Variants in PDE4D observed in about 807,000 individuals in gnomAD.
PDE4D encodes phosphodiesterase 4D, also known as 3',5'-cyclic-AMP phosphodiesterase 4D.
A neutral mutation model predicts 87.4 loss-of-function variants in PDE4D; 24 were observed. That is an observed-to-expected ratio of 0.27 (90% CI 0.20 to 0.39). PDE4D has a LOEUF of 0.39. PDE4D is among the 10% of genes least tolerant of loss of function. The pLI is 1.00. For missense variants in PDE4D, 714 were observed against 1,041.0 expected, an observed-to-expected ratio of 0.69 and a Z score of 4.32; for synonymous variants, 384 against 383.2, an observed-to-expected ratio of 1.00 and a Z score of -0.02.
rs1014834888 is a variant in PDE4D at position 58,975,446 on chromosome 5, G to A, written c.2013+211C>T. ...TTAAATGAATATAGTCATAATAAAT[G>A]AATATGTCTTTAGAATATATATATG... On this transcript the variant is annotated intron_variant, in intron 14 of 14. Transcript: ENST00000340635. The surrounding 1 kb of genome is among the most constrained non-coding windows in gnomAD (Gnocchi z 4.2). Among the ~76,000 whole-genome samples, 5 of 152,080 alleles carry A rather than the reference G, an allele frequency of 3.3e-5. No homozygotes were observed. The highest frequency in any genetic ancestry group is 1.3e-4 in the Admixed American group (2 of 15,260).
chr5:60,385,249 G>T (rs1330503556), intron 1 of PDE4D, among the ~76,000 whole-genome samples: 2 of 152,194 alleles, frequency 1.3e-5, no homozygotes, highest in Non-Finnish European at 2.9e-5. Flanking sequence ...GGCAAGTATG[G>T]GAAGGAACAA....
chr5:59,704,734 C>T (rs1753134171), intron 1 of PDE4D, among the ~76,000 whole-genome samples: 2 of 152,234 alleles, frequency 1.3e-5, no homozygotes, highest in Non-Finnish European at 2.9e-5. Context: ...GTGTGGTGTC[C>T]ATGAACAAGG....
intron 2 of PDE4D, among the ~76,000 whole-genome samples, chr5:60,104,606 C>T (rs1437342524): frequency 1.3e-5 from 2 of 152,344 alleles, no homozygotes; most frequent in South Asian, 4.1e-4. Context: ...AACTGGGAGG[C>T]ACCCACCAGT....
chr5:59,839,881 C>T (rs969517437), intron 1 of PDE4D, among the ~76,000 whole-genome samples: 4 of 152,024 alleles, frequency 2.6e-5, no homozygotes, highest in African/African-American at 9.7e-5. Flanking sequence ...TGGACTGCTC[C>T]AGTCAGGCTA....
chr5:59,323,722 C>A (rs1581955977), intron 1 of PDE4D, among the ~76,000 whole-genome samples: 1 of 152,142 alleles, frequency 6.6e-6, no homozygotes. Flanking sequence ...TTGATTCTCA[C>A]ATGTTCTACC....
intron 1 of PDE4D, among the ~76,000 whole-genome samples, chr5:60,277,912 T>C (rs971225397): frequency 2.6e-5 from 4 of 152,124 alleles, no homozygotes; most frequent in Admixed American, 1.3e-4. Context: ...TACATACACT[T>C]AGAACCACAC....
chr5:60,480,816 T>G (rs1236979146), intron 1 of PDE4D, among the ~76,000 whole-genome samples: 1 of 152,142 alleles, frequency 6.6e-6, no homozygotes, highest in African/African-American at 2.4e-5. Flanking sequence ...GTGTTTTCAG[T>G]GCCTCAGGGT....
At chr5:60,287,148 CT>C (rs1331017953) in intron 1 of PDE4D, among the ~76,000 whole-genome samples, 13 of 152,176 alleles carry the variant, frequency 8.5e-5, no homozygotes, top group African/African-American at 3.1e-4. Context: ...AGGCACTACT[CT>C]AGACAGCACA....
chr5:59,183,642 G>A (rs1261584829), intron 4 of PDE4D, among the ~76,000 whole-genome samples: 1 of 152,162 alleles, frequency 6.6e-6, no homozygotes, highest in African/African-American at 2.4e-5. Context: ...ACTTTCTAAG[G>A]GGGAGGTGAT....
At chr5:60,224,708 C>T (rs1303318015) in intron 1 of PDE4D, among the ~76,000 whole-genome samples, 5 of 152,104 alleles carry the variant, frequency 3.3e-5, no homozygotes, top group African/African-American at 1.2e-4. Context: ...TTCTTGTTAT[C>T]TAGCCTTGGA....
At chr5:59,013,836 C>T (rs1022454502) in intron 6 of PDE4D, among the ~76,000 whole-genome samples, 6 of 150,928 alleles carry the variant, frequency 4.0e-5, no homozygotes, top group Non-Finnish European at 8.9e-5. Context: ...GGCGGAGACA[C>T]AACAAAAAAA....
intron 2 of PDE4D, among the ~76,000 whole-genome samples, chr5:59,997,065 G>A (rs1295122137): frequency 6.6e-6 from 1 of 151,976 alleles, no homozygotes; most frequent in Non-Finnish European, 1.5e-5. Flanking sequence ...TCATCAACAA[G>A]AAACTCGATC....
chr5:60,369,829 AC>A (rs1479582168), intron 1 of PDE4D, among the ~76,000 whole-genome samples: 14 of 152,254 alleles, frequency 9.2e-5, no homozygotes, highest in Admixed American at 7.8e-4. Flanking sequence ...ACATGCACAC[AC>A]AAAAAAAAAT....
chr5:59,653,324 C>T (rs1743835450), intron 1 of PDE4D, among the ~76,000 whole-genome samples: 1 of 150,786 alleles, frequency 6.6e-6, no homozygotes, highest in Non-Finnish European at 1.5e-5. Flanking sequence ...ATGCCTTAGC[C>T]TCCAGAGTAG....
At chr5:59,290,583 T>C (rs551159149) in intron 1 of PDE4D, among the ~76,000 whole-genome samples, 2 of 151,918 alleles carry the variant, frequency 1.3e-5, no homozygotes, top group South Asian at 2.1e-4. Flanking sequence ...ATGGGACAAA[T>C]AGGATCACAT....
At chr5:59,432,858 A>T (rs1159307763) in intron 1 of PDE4D, among the ~76,000 whole-genome samples, 1 of 152,128 alleles carries the variant, frequency 6.6e-6, no homozygotes, top group African/African-American at 2.4e-5. Flanking sequence ...ATAGTAAATA[A>T]TTTTTATTAA....
chr5:60,162,745 G>C (rs1782565106), intron 2 of PDE4D, among the ~76,000 whole-genome samples: 1 of 151,688 alleles, frequency 6.6e-6, no homozygotes, highest in Non-Finnish European at 1.5e-5. Context: ...TAAATTATGA[G>C]ACTCGCTGCC....
chr5:59,688,361 C>G (rs1750280793), intron 1 of PDE4D, among the ~76,000 whole-genome samples: 1 of 152,170 alleles, frequency 6.6e-6, no homozygotes, highest in Non-Finnish European at 1.5e-5. Flanking sequence ...GAAATTACAA[C>G]AGTCTGTCTC....
intron 1 of PDE4D, among the ~76,000 whole-genome samples, chr5:59,383,757 T>C (rs940807985): frequency 2.0e-5 from 3 of 152,220 alleles, no homozygotes; most frequent in Non-Finnish European, 2.9e-5. Flanking sequence ...AATCCATATG[T>C]ATATTTGTTT....
Sources: gnomAD v4.1 joint callset for allele counts (sites outside exome capture counted in the v4.1 genomes callset) on GRCh38, gnomAD v4.1.1 for gene constraint, Gnocchi (gnomAD v3.1) non-coding constraint, MANE v1.5 for transcripts, NCBI Gene and HGNC (gene_info 2026-07-23, HGNC 2026-07-21) for gene names.